Variants in ST6GALNAC3 observed in about 807,000 individuals in gnomAD.
ST6GALNAC3 encodes the protein alpha-N-acetylgalactosaminide alpha-2,6-sialyltransferase 3.
In ST6GALNAC3, 25 loss-of-function variants were observed where a neutral mutation model predicts 32.7. The observed-to-expected ratio is 0.76, with a 90% CI of 0.56 to 1.07. The LOEUF (loss-of-function observed/expected upper bound fraction) is 1.07. Ranked by LOEUF, ST6GALNAC3 falls within the 50% of genes least tolerant of loss-of-function variation. The pLI, the probability that ST6GALNAC3 is intolerant of heterozygous loss-of-function variation, is 0.00. For synonymous variants in ST6GALNAC3, 129 were observed against 133.1 expected (o/e 0.97, Z 0.21); for missense variants, 355 against 382.4 (o/e 0.93, Z 0.60).
At chr1:76,291,353 C>G (rs547154987) in intron 1 of ST6GALNAC3, among the ~76,000 whole-genome samples, 1 of 152,374 alleles carries the variant, frequency 6.6e-6, no homozygotes, top group African/African-American at 2.4e-5. Flanking sequence ...CCTGCAGCTC[C>G]TCTGTCAGAG....
At chr1:76,304,466 G>A (rs1660919571) in intron 1 of ST6GALNAC3, among the ~76,000 whole-genome samples, 2 of 148,874 alleles carry the variant, frequency 1.3e-5, no homozygotes, top group Admixed American at 6.7e-5. Flanking sequence ...CTCTGAGCAA[G>A]TTATATTGGA....
intron 1 of ST6GALNAC3, among the ~76,000 whole-genome samples, chr1:76,208,147 G>A (rs1448907765): frequency 1.3e-5 from 2 of 151,732 alleles, no homozygotes; most frequent in South Asian, 4.2e-4. Context: ...CTCATCTCAG[G>A]GCCTACCAAG....
At chr1:76,569,091 T>A (rs1035464696) in intron 3 of ST6GALNAC3, among the ~76,000 whole-genome samples, 2 of 152,122 alleles carry the variant, frequency 1.3e-5, no homozygotes, top group African/African-American at 4.8e-5. Context: ...AACTCCTTTT[T>A]CAGCAGTTGA....
chr1:76,206,425 A>C (rs2100556853), intron 1 of ST6GALNAC3, among the ~76,000 whole-genome samples: 1 of 152,308 alleles, frequency 6.6e-6, no homozygotes, highest in South Asian at 2.1e-4. Flanking sequence ...TCCTAGCAGA[A>C]CTAAATACAT....
At chr1:76,514,981 T>G (rs927857723) in intron 3 of ST6GALNAC3, among the ~76,000 whole-genome samples, 3 of 152,178 alleles carry the variant, frequency 2.0e-5, no homozygotes, top group Admixed American at 2.0e-4. Flanking sequence ...GTTTTCTTTT[T>G]TTGTTGTGTC....
intron 1 of ST6GALNAC3, among the ~76,000 whole-genome samples, chr1:76,103,915 T>A (rs1647348873): frequency 6.6e-6 from 1 of 152,234 alleles, no homozygotes; most frequent in South Asian, 2.1e-4. Context: ...TTTTTCCATA[T>A]AATGTATTAT....
At chr1:76,290,097 A>C (rs758001404) in intron 1 of ST6GALNAC3, among the ~76,000 whole-genome samples, 15 of 152,238 alleles carry the variant, frequency 9.9e-5, no homozygotes, top group Admixed American at 2.0e-4. Flanking sequence ...AAAGAAATGC[A>C]TTCCTTTGTA....
At chr1:76,395,477 G>T (rs1161283325) in intron 2 of ST6GALNAC3, among the ~76,000 whole-genome samples, 1 of 152,058 alleles carries the variant, frequency 6.6e-6, no homozygotes, top group Non-Finnish European at 1.5e-5. Context: ...TATATCAAAA[G>T]TATACCTGCA....
intron 3 of ST6GALNAC3, among the ~76,000 whole-genome samples, chr1:76,623,625 T>TTTTAAGGCATTTGATAGTTATCAC (rs1409251366): frequency 6.6e-6 from 1 of 151,958 alleles, no homozygotes; most frequent in Non-Finnish European, 1.5e-5. Context: ...CTTTAAGAAT[T>TTTTAAGGCATTTGATAGTTATCAC]TTTAAGGCAT....
intron 1 of ST6GALNAC3, among the ~76,000 whole-genome samples, chr1:76,288,932 C>A (rs1001021042): frequency 2.6e-5 from 4 of 152,130 alleles, no homozygotes; most frequent in Admixed American, 2.0e-4. Flanking sequence ...AAGTGTGGGG[C>A]TCAAAAATCT....
At chr1:76,504,732 A>G (rs1661370585) in intron 3 of ST6GALNAC3, among the ~76,000 whole-genome samples, 1 of 152,184 alleles carries the variant, frequency 6.6e-6, no homozygotes, top group Non-Finnish European at 1.5e-5. Flanking sequence ...AGATCATATT[A>G]AAGTGAGGTT....
chr1:76,153,439 C>T (rs901357741), intron 1 of ST6GALNAC3, among the ~76,000 whole-genome samples: 17 of 152,148 alleles, frequency 1.1e-4, no homozygotes, highest in Admixed American at 2.6e-4. Flanking sequence ...GATGTCTCAC[C>T]GCCAGAGAGC....
At chr1:76,374,722 A>ATGTT (rs1192177117) in intron 2 of ST6GALNAC3, among the ~76,000 whole-genome samples, 1 of 152,124 alleles carries the variant, frequency 6.6e-6, no homozygotes, top group African/African-American at 2.4e-5. Context: ...ATCATCTTAC[A>ATGTT]TGTTATTTAC....
At chr1:76,560,265 G>A (rs958384858) in intron 3 of ST6GALNAC3, among the ~76,000 whole-genome samples, 6 of 152,212 alleles carry the variant, frequency 3.9e-5, no homozygotes, top group Admixed American at 6.5e-5. Context: ...TCTTCAGGAC[G>A]TTGATTTGGG....
In ST6GALNAC3 at chr1:76,631,784, A is replaced by G. The variant is rs1487350238; in HGVS notation, c.*2978A>G. 2.0e-5 allele frequency: 3 copies of G among 152,138 alleles called. No individual in the cohort carries two copies. The South Asian group carries it at 6.2e-4, about 31-fold the overall frequency. The allele number at this position is 152,138 out of a possible 1,614,324, so 9.4% of individuals were successfully genotyped here. ...TTCTGAAATTGGCATGAAAACATTC[A>G]AGATAAAAATAATAGACTAAACATT... On this transcript the variant is annotated 3_prime_UTR_variant, in exon 5 of 5. Coordinates refer to ENST00000328299, the MANE Select transcript of ST6GALNAC3 (RefSeq NM_152996.4).
intron 1 of ST6GALNAC3, among the ~76,000 whole-genome samples, chr1:76,197,586 A>G (rs952624063): frequency 2.6e-5 from 4 of 152,216 alleles, no homozygotes; most frequent in African/African-American, 9.6e-5. Flanking sequence ...GCATGACAGT[A>G]TCCCAGGCTA....
chr1:76,228,562 T>A (rs1656198867), intron 1 of ST6GALNAC3, among the ~76,000 whole-genome samples: 1 of 152,180 alleles, frequency 6.6e-6, no homozygotes, highest in Non-Finnish European at 1.5e-5. Context: ...GTACTCTAGG[T>A]CAAACCACAG....
At chr1:76,130,372 A>C (rs1402009212) in intron 1 of ST6GALNAC3, among the ~76,000 whole-genome samples, 1 of 152,174 alleles carries the variant, frequency 6.6e-6, no homozygotes, top group African/African-American at 2.4e-5. Context: ...TTCCAGTTTC[A>C]GGTAAGAATG....
chr1:76,491,315 A>C (rs1660486255), intron 3 of ST6GALNAC3, among the ~76,000 whole-genome samples: 1 of 150,168 alleles, frequency 6.7e-6, no homozygotes, highest in Non-Finnish European at 1.5e-5. Flanking sequence ...CAATATTAAA[A>C]CTCTTTGTCT....
Sources: allele counts gnomAD v4.1 joint callset (sites outside exome capture counted in the v4.1 genomes callset), GRCh38; gene constraint gnomAD v4.1.1; transcripts MANE v1.5; gene names NCBI Gene and HGNC (gene_info 2026-07-23, HGNC 2026-07-21).